DENND4C: variants seen among roughly 807,000 people sequenced by gnomAD.
DENND4C encodes DENN domain-containing protein 4C.
DENND4C carries 108 observed loss-of-function variants against 203.0 expected under a neutral mutation model. That is an observed-to-expected ratio of 0.53 (90% CI 0.46 to 0.62). DENND4C has a LOEUF of 0.62. Among genes scored for constraint, DENND4C ranks in the 20% least tolerant of loss-of-function variants. DENND4C has a pLI of 0.00. For synonymous variants in DENND4C, 871 were observed against 792.4 expected (o/e 1.10, Z -1.67); for missense variants, 2,481 against 2,301.2 (o/e 1.08, Z -1.60).
intron 22 of DENND4C, among the ~76,000 whole-genome samples, chr9:19,345,493 A>T (rs917728330): frequency 6.6e-6 from 1 of 152,222 alleles, no homozygotes; most frequent in Non-Finnish European, 1.5e-5. Context: ...TACAGCAGTA[A>T]GACTTTGAGT....
intron 26 of DENND4C, among the ~76,000 whole-genome samples, chr9:19,353,733 G>T (rs946947933): frequency 6.6e-6 from 1 of 152,086 alleles, no homozygotes; most frequent in Non-Finnish European, 1.5e-5. Context: ...AGGAGTTCGA[G>T]ACCAGCCTGG....
intron 1 of DENND4C, among the ~76,000 whole-genome samples, chr9:19,253,648 A>G (rs1334517116): frequency 1.3e-5 from 2 of 152,244 alleles, no homozygotes; most frequent in East Asian, 3.8e-4. Flanking sequence ...ACCAGGGAAC[A>G]TACAGCTGTT....
intron 1 of DENND4C, among the ~76,000 whole-genome samples, chr9:19,255,275 C>T (rs919758752): frequency 2.0e-5 from 3 of 151,904 alleles, no homozygotes; most frequent in Non-Finnish European, 2.9e-5. Context: ...TATGGTGGTG[C>T]GTGCCTGTAG....
chr9:19,304,541 A>ATT, intron 9 of DENND4C, among the ~76,000 whole-genome samples: 1 of 131,172 alleles, frequency 7.6e-6, no homozygotes, highest in African/African-American at 2.8e-5. Context: ...AGAGTTACGA[A>ATT]TTTTTTTTTT....
chr9:19,330,997 G>C lies in DENND4C; in HGVS notation c.2254-981G>C, dbSNP rs536332176. 2.7e-3 allele frequency among the ~76,000 whole-genome samples: 414 copies of C among 151,524 alleles called. 1 individual carries two copies. The highest frequency in any genetic ancestry group is 3.4e-3 in the Admixed American group (51 of 15,202). On this transcript the variant is annotated intron_variant, in intron 16 of 32. Coordinates refer to ENST00000434457, the MANE Select transcript of DENND4C (RefSeq NM_001330640.2). ...CTTGAACCCGGGAGGCAGTGGTTGCGGTGAGCTGAGATCACGCCATTGCAC... is the reference window on the plus strand; with the variant it reads ...CTTGAACCCGGGAGGCAGTGGTTGCCGTGAGCTGAGATCACGCCATTGCAC...
chr9:19,325,409 A>G (rs1264753602), intron 13 of DENND4C, among the ~76,000 whole-genome samples: 3 of 152,154 alleles, frequency 2.0e-5, no homozygotes, highest in Non-Finnish European at 4.4e-5. Flanking sequence ...CAAACTGTAT[A>G]TTATATAACA....
In DENND4C at chr9:19,256,297, GTTTTTTTTTTTGTTTTTT is replaced by G. The variant is rs1207476416; in HGVS notation, c.-17-19848_-17-19831del. Among the ~76,000 whole-genome samples the G allele has an allele frequency of 6.5e-5, 8 of 122,594 alleles. No individual in the cohort carries two copies. The East Asian group carries it at 1.9e-3, about 29-fold the overall frequency. 80.4% of individuals were successfully genotyped at this position (122,594 alleles called of 152,430 possible). On this transcript the variant is annotated intron_variant, in intron 1 of 32. Coordinates refer to ENST00000434457, the MANE Select transcript of DENND4C (RefSeq NM_001330640.2). The stretch of plus-strand genomic sequence containing the variant: ...AAAATTTTTCTTTTTTTTCTTTTCT[GTTTTTTTTTTTGTTTTTT>G]TTTTTTTTTTTGAGATGGAGTTTCG...
chr9:19,284,068 C>T (rs776109548), intron 2 of DENND4C, among the ~76,000 whole-genome samples: 1 of 152,114 alleles, frequency 6.6e-6, no homozygotes, highest in Non-Finnish European at 1.5e-5. Flanking sequence ...TCCTTTTCTC[C>T]TAGATGATAG....
In DENND4C at chr9:19,328,168, A is replaced by G; in HGVS notation, c.2253+6A>G. The G allele has an allele frequency of 1.9e-6, 3 of 1,600,202 alleles. No homozygotes were observed. Among genetic ancestry groups the G allele is most frequent in the Non-Finnish European group, 2.6e-6 (3 of 1,176,018 alleles). On this transcript the variant is annotated splice_donor_region_variant and intron_variant, in intron 16 of 32. Transcript: ENST00000434457. Reference sequence around the variant, plus strand: ...TGGCTAAGAGAACTAAACAGGTCAGATATTCTTTATCTAATACATGTTCAT... The same window carrying G: ...TGGCTAAGAGAACTAAACAGGTCAGGTATTCTTTATCTAATACATGTTCAT...
intron 1 of DENND4C, among the ~76,000 whole-genome samples, chr9:19,252,405 C>A (rs115660198): frequency 0.014 from 2,153 of 151,916 alleles, 49 homozygotes; most frequent in African/African-American, 0.05. Context: ...ACAGCCAAAC[C>A]GTATCATCTA....
At chr9:19,288,506 GTAAA>G (rs1564121996) in intron 3 of DENND4C, 86 bp from the exon 4 acceptor site, 1 of 744,752 alleles carries the variant, frequency 1.3e-6, no homozygotes, top group Admixed American at 4.3e-5. Flanking sequence ...ACTCTTCTGA[GTAAA>G]TAAATGAATC....
At chr9:19,298,580 A>G (rs559879650) in intron 7 of DENND4C, among the ~76,000 whole-genome samples, 20 of 152,236 alleles carry the variant, frequency 1.3e-4, no homozygotes, top group South Asian at 8.3e-4. Flanking sequence ...TGACATATGC[A>G]ACATGAACAG....
chr9:19,363,480 C>T (rs367617620), intron 30 of DENND4C, among the ~76,000 whole-genome samples: 2 of 151,320 alleles, frequency 1.3e-5, no homozygotes, highest in African/African-American at 2.4e-5. Context: ...CCAGCCTGGG[C>T]GACAGAGTGA....
At chr9:19,245,730 C>G (rs947730662) in intron 1 of DENND4C, among the ~76,000 whole-genome samples, 9 of 152,038 alleles carry the variant, frequency 5.9e-5, no homozygotes, top group Non-Finnish European at 1.3e-4. Context: ...GTGGCATGTG[C>G]TTGTAATCCC....
intron 2 of DENND4C, among the ~76,000 whole-genome samples, chr9:19,285,174 T>C (rs1051981425): frequency 1.6e-4 from 24 of 152,156 alleles, no homozygotes; most frequent in Non-Finnish European, 3.2e-4. Flanking sequence ...GAAATTACCT[T>C]CATGATAGAC....
rs200453509 is a variant in DENND4C, at chr9:19,372,121, C to T, written c.5825C>T (p.Pro1942Leu). 76 of 1,613,908 alleles carry T rather than the reference C, an allele frequency of 4.7e-5. No individual in the cohort carries two copies. Among genetic ancestry groups the T allele is most frequent in the Admixed American group, 1.0e-4 (6 of 59,968 alleles). ...LERLQKIDAPPSASVEWCRKC... is the reference protein window; with the variant it reads ...LERLQKIDAPLSASVEWCRKC... ...AGGTTGCAGAAAATTGATGCTCCAC[C>T]AAGTGCCAGTGTCGAGTGGTGCAGG... Residue 1942 changes from proline (P) to leucine (L), a missense_variant, in exon 33 of 33, where the codon CCA becomes CTA. Physicochemically the swap from Pro to Leu is moderately conservative, Grantham distance 98. Around this residue, in one of 3 missense-constraint regions of DENND4C, gnomAD observed 2,289 missense variants for 2,113.3 expected, o/e 1.08. Transcript: ENST00000434457.
chr9:19,342,922 C>G, intron 22 of DENND4C, 143 bp downstream of exon 22: 1 of 620,794 alleles, frequency 1.6e-6, no homozygotes, highest in Non-Finnish European at 2.4e-6. Context: ...TCTAAATCGG[C>G]TAAAGAAATT....
intron 20 of DENND4C, among the ~76,000 whole-genome samples, chr9:19,340,220 T>G (rs908026591): frequency 6.6e-5 from 10 of 152,196 alleles, no homozygotes; most frequent in African/African-American, 2.4e-4. Flanking sequence ...AGAAAATACG[T>G]GTACTGTACA....
At position 19,350,898 on chromosome 9, in the gene DENND4C, C is replaced by G; in HGVS notation, c.4495+19C>G. On this transcript the variant is annotated intron_variant, in intron 24 of 32. Transcript: ENST00000434457. ...CCAACAGGTATGGGGAAGGATTATC[C>G]TTTCTTCATTTGCTTTATAATAGTT... 1 of 1,575,372 alleles carries G rather than the reference C, an allele frequency of 6.3e-7. No homozygotes were observed.
Sources: allele counts gnomAD v4.1 joint callset (sites outside exome capture counted in the v4.1 genomes callset), GRCh38; gene constraint gnomAD v4.1.1; regional missense constraint gnomAD v4.1.1; transcripts MANE v1.5; gene names NCBI Gene and HGNC (gene_info 2026-07-23, HGNC 2026-07-21).